The following SNTG1 variants were observed in gnomAD, a reference collection of about 807,000 sequenced individuals.
The protein encoded by SNTG1 is syntrophin gamma 1.
In SNTG1, 39 loss-of-function variants were observed where a neutral mutation model predicts 74.7. The observed-to-expected ratio is 0.52, with a 90% CI of 0.40 to 0.68. The LOEUF is 0.68. Ranked by LOEUF, SNTG1 falls within the 30% of genes least tolerant of loss-of-function variation. SNTG1 has a pLI of 0.00. For missense variants in SNTG1, 685 were observed against 609.5 expected, an observed-to-expected ratio of 1.12 and a Z score of -1.30; for synonymous variants, 254 against 217.1, an observed-to-expected ratio of 1.17 and a Z score of -1.49.
chr8:50,208,549 A>G (rs745397347), intron 2 of SNTG1, among the ~76,000 whole-genome samples: 74 of 152,168 alleles, frequency 4.9e-4, no homozygotes. Flanking sequence ...TGGAGCAACT[A>G]TCCCATTTAC....
At chr8:50,462,794 CTCTTTTTTTTTTTTT>C (rs2093576666) in intron 8 of SNTG1, among the ~76,000 whole-genome samples, 2 of 43,628 alleles carry the variant, frequency 4.6e-5, no homozygotes, top group Non-Finnish European at 9.3e-5. Context: ...TCAGGTTCTA[CTCTTTTTTTTTTTTT>C]TTTTTTTTTT....
chr8:50,333,278 T>C (rs983701458), intron 2 of SNTG1, among the ~76,000 whole-genome samples: 1 of 152,200 alleles, frequency 6.6e-6, no homozygotes, highest in African/African-American at 2.4e-5. Context: ...GCCATAGAGA[T>C]TAAATGAATT....
At chr8:50,317,383 C>A (rs550255940) in intron 2 of SNTG1, among the ~76,000 whole-genome samples, 22 of 152,254 alleles carry the variant, frequency 1.4e-4, no homozygotes, top group African/African-American at 5.1e-4. Context: ...AGATAAAGTG[C>A]AAGGTTATTT....
At chr8:49,968,038 T>C (rs1310807166) in intron 1 of SNTG1, among the ~76,000 whole-genome samples, 2 of 152,182 alleles carry the variant, frequency 1.3e-5, no homozygotes, top group Non-Finnish European at 2.9e-5. Flanking sequence ...ATCTTCCAAG[T>C]CCAGTTATGC....
At chr8:50,729,582 G>A (rs78770061) in intron 17 of SNTG1, among the ~76,000 whole-genome samples, 139 of 152,274 alleles carry the variant, frequency 9.1e-4, no homozygotes, top group Non-Finnish European at 1.6e-3. Context: ...GGCAATCCAT[G>A]TCCAATATTT....
intron 2 of SNTG1, among the ~76,000 whole-genome samples, chr8:50,236,316 C>T (rs1015775661): frequency 6.6e-6 from 1 of 152,082 alleles, no homozygotes; most frequent in Non-Finnish European, 1.5e-5. Flanking sequence ...ATATTTATTT[C>T]TAATTAGTGT....
chr8:50,501,214 G>C (rs1041611704), intron 8 of SNTG1, among the ~76,000 whole-genome samples: 2 of 151,920 alleles, frequency 1.3e-5, no homozygotes, highest in Non-Finnish European at 2.9e-5. Flanking sequence ...TTTTAATGAT[G>C]GGGCTGAGAA....
chr8:50,649,531 T>C (rs760261845), intron 13 of SNTG1, among the ~76,000 whole-genome samples: 56 of 152,142 alleles, frequency 3.7e-4, no homozygotes, highest in Admixed American at 2.0e-3. Flanking sequence ...TCTCACCAGC[T>C]GTGTTGGAGC....
intron 2 of SNTG1, among the ~76,000 whole-genome samples, chr8:50,223,346 G>A (rs1025969702): frequency 6.6e-6 from 1 of 152,014 alleles, no homozygotes; most frequent in African/African-American, 2.4e-5. Flanking sequence ...ATTTTATATG[G>A]CTAGTACAAC....
At chr8:50,786,652 A>T (rs974819432) in intron 18 of SNTG1, among the ~76,000 whole-genome samples, 2 of 151,922 alleles carry the variant, frequency 1.3e-5, no homozygotes, top group Non-Finnish European at 2.9e-5. Flanking sequence ...GGACATATAG[A>T]ACACTGGAAT....
intron 9 of SNTG1, among the ~76,000 whole-genome samples, chr8:50,518,858 C>A (rs1423658199): frequency 6.6e-6 from 1 of 152,124 alleles, no homozygotes; most frequent in Non-Finnish European, 1.5e-5. Flanking sequence ...GGTTCACAGC[C>A]AAATTCTACC....
At chr8:50,753,129 T>C (rs1196610624) in intron 18 of SNTG1, among the ~76,000 whole-genome samples, 1 of 151,932 alleles carries the variant, frequency 6.6e-6, no homozygotes, top group Non-Finnish European at 1.5e-5. Flanking sequence ...CCCTTTATTT[T>C]ACATGCCTCA....
At chr8:50,573,400 C>T (rs2094559619) in intron 12 of SNTG1, among the ~76,000 whole-genome samples, 1 of 151,846 alleles carries the variant, frequency 6.6e-6, no homozygotes, top group Admixed American at 6.6e-5. Flanking sequence ...AGTTGTAAAA[C>T]TGGCTCTATT....
chr8:50,209,963 G>T (rs1275118863), intron 2 of SNTG1, among the ~76,000 whole-genome samples: 1 of 152,172 alleles, frequency 6.6e-6, no homozygotes, highest in African/African-American at 2.4e-5. Flanking sequence ...CCATTGCAAA[G>T]AAGCTAAAAA....
chr8:50,013,027 A>G (rs1815960202), intron 1 of SNTG1, among the ~76,000 whole-genome samples: 1 of 152,134 alleles, frequency 6.6e-6, no homozygotes, highest in Non-Finnish European at 1.5e-5. Context: ...GAAAACTAGA[A>G]AGAGAAGGGA....
intron 1 of SNTG1, among the ~76,000 whole-genome samples, chr8:50,109,439 G>C (rs989181984): frequency 6.6e-6 from 1 of 152,142 alleles, no homozygotes; most frequent in African/African-American, 2.4e-5. Context: ...TCAATGGAGA[G>C]TATAAAACAT....
At chr8:50,028,677 A>G (rs1320950505) in intron 1 of SNTG1, among the ~76,000 whole-genome samples, 1 of 152,184 alleles carries the variant, frequency 6.6e-6, no homozygotes, top group African/African-American at 2.4e-5. Context: ...CCAGCATGGC[A>G]CATGTATACA....
intron 4 of SNTG1, among the ~76,000 whole-genome samples, chr8:50,423,313 T>A (rs1335938853): frequency 6.6e-6 from 1 of 152,198 alleles, no homozygotes; most frequent in Non-Finnish European, 1.5e-5. Flanking sequence ...GCTTAGTATA[T>A]AGTAGCCACA....
chr8:49,959,305 T>C (rs1320819727), intron 1 of SNTG1, among the ~76,000 whole-genome samples: 1 of 152,184 alleles, frequency 6.6e-6, no homozygotes, highest in Non-Finnish European at 1.5e-5. Context: ...TTTTCTGTTA[T>C]TCTTGATTAA....
Sources: gnomAD v4.1 joint callset for allele counts (sites outside exome capture counted in the v4.1 genomes callset) on GRCh38, gnomAD v4.1.1 for gene constraint, MANE v1.5 for transcripts, NCBI Gene and HGNC (gene_info 2026-07-23, HGNC 2026-07-21) for gene names.